ARHGEF26: variants seen among roughly 807,000 people sequenced by gnomAD.
The protein encoded by ARHGEF26 is Rho guanine nucleotide exchange factor (GEF) 26.
In ARHGEF26, 59 loss-of-function variants were observed where a neutral mutation model predicts 89.4. The observed-to-expected ratio is 0.66, with a 90% CI of 0.54 to 0.82. The LOEUF (loss-of-function observed/expected upper bound fraction) is 0.82, where lower values mean the gene tolerates loss of function less well. ARHGEF26 is among the 40% of genes least tolerant of loss of function. The probability of loss-of-function intolerance (pLI) is 0.00; values close to 1 mark genes in which losing one functional copy is unlikely to be tolerated. For missense variants in ARHGEF26, 1,234 were observed against 1,085.6 expected (o/e 1.14, Z -1.92); for synonymous variants, 500 against 428.4 (o/e 1.17, Z -2.06).
intron 13 of ARHGEF26, among the ~76,000 whole-genome samples, chr3:154,254,242 A>G (rs1718338593): frequency 2.6e-5 from 4 of 152,212 alleles, no homozygotes; most frequent in Admixed American, 2.6e-4. Flanking sequence ...AGGAGGTCTA[A>G]CATGACTTCT....
chr3:154,121,781 C>T (rs1011289945), intron 1 of ARHGEF26, among the ~76,000 whole-genome samples, 161 bp from the exon 2 acceptor site: 3 of 152,174 alleles, frequency 2.0e-5, no homozygotes, highest in Admixed American at 6.5e-5. Context: ...CCGGGAACCG[C>T]GCACCGCAGT....
chr3:154,256,070 C>T lies in ARHGEF26; in HGVS notation c.*597C>T, dbSNP rs991732212. 12 of 985,082 alleles carry T rather than the reference C, an allele frequency of 1.2e-5. No individual in the cohort carries two copies. The African/African-American group carries it at 1.6e-4, about 13-fold the overall frequency. 61.0% of individuals were successfully genotyped at this position (985,082 alleles called of 1,614,324 possible). A position where few individuals can be genotyped will look rare whatever the true frequency, so the allele number is the denominator to read the frequency against. ...CTTGAATTTTTGTCACCTTTTTCCT[C>T]ATTAGAAGGAAAGTAGAAAGCCTTA... is the stretch of plus-strand genomic sequence containing the variant. On this transcript the variant is annotated 3_prime_UTR_variant, in exon 15 of 15. Transcript: ENST00000465093.
Position 154,255,936 on chromosome 3 carries a change from T to C in ARHGEF26, c.*463T>C. ...AAATATTTCCCTGCCTTTTTTTTTCTTTTTTTACATCTGATTTTAATGCTT... is the reference window on the plus strand; with the variant it reads ...AAATATTTCCCTGCCTTTTTTTTTCCTTTTTTACATCTGATTTTAATGCTT... On this transcript the variant is annotated 3_prime_UTR_variant, in exon 15 of 15. Coordinates refer to ENST00000465093, the MANE Select transcript of ARHGEF26 (RefSeq NM_015595.4). 1.0e-6 allele frequency: 1 copy of C among 986,782 alleles called. No homozygotes were observed. The highest frequency in any genetic ancestry group is 1.2e-6 in the Non-Finnish European group (1 of 830,682). 61.1% of individuals were successfully genotyped at this position (986,782 alleles called of 1,614,324 possible). A position where few individuals can be genotyped will look rare whatever the true frequency, so the allele number is the denominator to read the frequency against.
chr3:154,139,131 GAGAAAATGTCATGTGCAC>G (rs1463672079), intron 4 of ARHGEF26, among the ~76,000 whole-genome samples: 8 of 152,132 alleles, frequency 5.3e-5, no homozygotes, highest in African/African-American at 1.4e-4. Flanking sequence ...GTCTCAGGTA[GAGAAAATGTCATGTGCAC>G]AGACATTTGG....
In ARHGEF26 at chr3:154,256,756, A is replaced by G. The variant is rs888374925; in HGVS notation, c.*1283A>G. ...AGAAGTCAGCATGGTACCCAATTGA[A>G]ACCTTTTGACCTTAGTGGGAATTCA... On this transcript the variant is annotated 3_prime_UTR_variant, in exon 15 of 15. Coordinates refer to ENST00000465093, the MANE Select transcript of ARHGEF26 (RefSeq NM_015595.4). 39 of 1,427,386 alleles carry G rather than the reference A, an allele frequency of 2.7e-5. No individual in the cohort carries two copies. The highest frequency in any genetic ancestry group is 3.6e-5 in the Non-Finnish European group (39 of 1,098,216). The allele number at this position is 1,427,386 out of a possible 1,614,324, so 88.4% of individuals were successfully genotyped here.
Position 154,220,745 on chromosome 3 carries a change from T to C in ARHGEF26, c.1935+2787T>C, listed in dbSNP as rs560214832. Among the ~76,000 whole-genome samples, 63 of 152,076 alleles carry C rather than the reference T, an allele frequency of 4.1e-4. 2 individuals are homozygous for C. The South Asian group carries it at 0.013, about 31-fold the overall frequency. On this transcript the variant is annotated intron_variant, in intron 10 of 14. Transcript: ENST00000465093. The stretch of plus-strand genomic sequence containing the variant: ...AGATGTGTGTTTAGTAAAGACAACT[T>C]CAGCAATGGGGAAAGGCTTTTCCAA...
chr3:154,175,004 C>A (rs148601110), intron 6 of ARHGEF26, among the ~76,000 whole-genome samples: 1 of 152,206 alleles, frequency 6.6e-6, no homozygotes, highest in East Asian at 1.9e-4. Context: ...AAGTGCCCTC[C>A]GCATGCAAGT....
chr3:154,201,703 G>A (rs1043217664), intron 9 of ARHGEF26, among the ~76,000 whole-genome samples: 19 of 152,020 alleles, frequency 1.2e-4, no homozygotes, highest in African/African-American at 4.1e-4. Flanking sequence ...ATTCTAACTG[G>A]TGTGAGATGG....
chr3:154,191,470 T>A, intron 8 of ARHGEF26, 52 bp downstream of exon 8: 1 of 1,562,000 alleles, frequency 6.4e-7, no homozygotes, highest in Non-Finnish European at 8.6e-7. Context: ...CTTCTCTAAA[T>A]CTGATTTAGA....
intron 9 of ARHGEF26, among the ~76,000 whole-genome samples, chr3:154,204,574 C>T (rs1164774324): frequency 6.6e-6 from 1 of 152,006 alleles, no homozygotes; most frequent in African/African-American, 2.4e-5. Context: ...CAGTGATCCC[C>T]CCGCCTCGGC....
Position 154,164,095 on chromosome 3 carries a change from T to C in ARHGEF26, c.1487+11163T>C, listed in dbSNP as rs568568266. 3.9e-5 allele frequency among the ~76,000 whole-genome samples: 6 copies of C among 152,296 alleles called. No homozygotes were observed. In the East Asian group the frequency reaches 9.6e-4, roughly 24 times the overall value. ...AAAAATCTGTTTTCAAAATAAACTT[T>C]TGTAGAAAATGATTTTGCAAGTCTT... On this transcript the variant is annotated intron_variant, in intron 6 of 14. Coordinates refer to ENST00000465093, the MANE Select transcript of ARHGEF26 (RefSeq NM_015595.4).
At chr3:154,253,875 G>T (rs569744444) in intron 13 of ARHGEF26, among the ~76,000 whole-genome samples, 7 of 152,274 alleles carry the variant, frequency 4.6e-5, no homozygotes, top group Admixed American at 1.3e-4. Flanking sequence ...AAAATGACTG[G>T]TTTGAAAGTT....
chr3:154,207,894 C>T (rs1434182375), intron 9 of ARHGEF26, among the ~76,000 whole-genome samples: 1 of 152,152 alleles, frequency 6.6e-6, no homozygotes, highest in African/African-American at 2.4e-5. Context: ...ACATATACAC[C>T]ATGGTATACT....
chr3:154,176,542 C>T lies in ARHGEF26; in HGVS notation c.1488-11143C>T, dbSNP rs554153404. 5.3e-5 allele frequency among the ~76,000 whole-genome samples: 8 copies of T among 152,200 alleles called. No individual in the cohort carries two copies. In the South Asian group the frequency reaches 6.2e-4, roughly 12 times the overall value. ...CTTCACAAGCAATGAAAGGAGAGTT[C>T]GCAATGACGCTGCTTCACAGGATGT... On this transcript the variant is annotated intron_variant, in intron 6 of 14. Coordinates refer to ENST00000465093, the MANE Select transcript of ARHGEF26 (RefSeq NM_015595.4).
At chr3:154,231,922 C>A (rs1443512948) in intron 11 of ARHGEF26, among the ~76,000 whole-genome samples, 1 of 150,794 alleles carries the variant, frequency 6.6e-6, no homozygotes, top group Non-Finnish European at 1.5e-5. Flanking sequence ...TTCACTATTC[C>A]TAAATGACTA....
chr3:154,205,959 A>G (rs888032303), intron 9 of ARHGEF26, among the ~76,000 whole-genome samples: 9 of 152,034 alleles, frequency 5.9e-5, no homozygotes, highest in African/African-American at 1.9e-4. Context: ...GTGTTTTTCT[A>G]TGTATTTACT....
At chr3:154,204,438 G>A (rs144600707) in intron 9 of ARHGEF26, among the ~76,000 whole-genome samples, 1,602 of 149,958 alleles carry the variant, frequency 0.011, 21 homozygotes, top group African/African-American at 0.037. Context: ...GAGTACAGGC[G>A]TATCTCATGC....
intron 9 of ARHGEF26, among the ~76,000 whole-genome samples, chr3:154,211,849 GTGTGTGTGTATATATATA>G (rs1715381297): frequency 1.8e-5 from 2 of 108,602 alleles, no homozygotes; most frequent in Admixed American, 2.3e-4. Context: ...TAATGTATAT[GTGTGTGTGTATATATATA>G]TGTGTGTGTG....
rs34955313 is a variant in ARHGEF26 at position 154,149,925 on chromosome 3, TA to T, written c.1326+494del. On this transcript the variant is annotated intron_variant, in intron 5 of 14. Coordinates refer to ENST00000465093, the MANE Select transcript of ARHGEF26 (RefSeq NM_015595.4). Reference sequence around the variant, plus strand: ...ATACCAAAATAAAAAGTTTATTTAGTAAAAAAAAAAAAAACAGGTTAATAAT... The same window carrying T: ...ATACCAAAATAAAAAGTTTATTTAGTAAAAAAAAAAAAACAGGTTAATAAT... 5.8e-3 allele frequency among the ~76,000 whole-genome samples: 813 copies of T among 139,428 alleles called. 3 individuals carry two copies. The highest frequency in any genetic ancestry group is 7.6e-3 in the Middle Eastern group (2 of 264). The allele number at this position is 139,428 out of a possible 152,430, so 91.5% of individuals were successfully genotyped here.
Sources: allele counts gnomAD v4.1 joint callset (sites outside exome capture counted in the v4.1 genomes callset), GRCh38; gene constraint gnomAD v4.1.1; transcripts MANE v1.5; gene names NCBI Gene and HGNC (gene_info 2026-07-23, HGNC 2026-07-21).